CDH18: variants seen among roughly 807,000 people sequenced by gnomAD.
The protein encoded by CDH18 is cadherin 18, also known as cadherin-18.
Under a neutral mutation model 67.9 loss-of-function variants are expected in CDH18, and 31 were observed. The ratio of observed to expected loss-of-function variants is 0.46; its 90% CI spans 0.34 to 0.62. CDH18 has a LOEUF of 0.62. Ranked by LOEUF, CDH18 falls within the 20% of genes least tolerant of loss-of-function variation. CDH18 has a pLI of 0.01. For synonymous variants in CDH18, 362 were observed against 347.2 expected (o/e 1.04, Z -0.48); for missense variants, 890 against 975.5 (o/e 0.91, Z 1.17).
chr5:19,639,042 T>A (rs907438807), intron 5 of CDH18, among the ~76,000 whole-genome samples: 3 of 144,074 alleles, frequency 2.1e-5, no homozygotes, highest in Non-Finnish European at 4.5e-5. Context: ...TCACTCTGTC[T>A]CCCAGGCTGG....
At chr5:20,227,461 C>T (rs1243118661) in intron 2 of CDH18, among the ~76,000 whole-genome samples, 1 of 151,996 alleles carries the variant, frequency 6.6e-6, no homozygotes. Flanking sequence ...TCAATCATCA[C>T]CCAACTCATA....
intron 3 of CDH18, among the ~76,000 whole-genome samples, chr5:19,800,487 A>T (rs1777341669): frequency 1.3e-5 from 2 of 152,172 alleles, no homozygotes; most frequent in African/African-American, 4.8e-5. Context: ...TATAAACCCA[A>T]AGAGGGGTTT....
At chr5:20,193,331 T>C (rs940881430) in intron 2 of CDH18, among the ~76,000 whole-genome samples, 2 of 151,782 alleles carry the variant, frequency 1.3e-5, no homozygotes, top group African/African-American at 4.8e-5. Flanking sequence ...AACTAGAAAA[T>C]CTAGAAGAAA....
chr5:20,135,384 G>A (rs915872216), intron 2 of CDH18, among the ~76,000 whole-genome samples: 3 of 152,128 alleles, frequency 2.0e-5, no homozygotes, highest in African/African-American at 7.2e-5. Context: ...GCATAGAGGT[G>A]ATTATAGTGT....
At chr5:20,230,751 G>C (rs1742003673) in intron 2 of CDH18, among the ~76,000 whole-genome samples, 1 of 151,846 alleles carries the variant, frequency 6.6e-6, no homozygotes, top group Non-Finnish European at 1.5e-5. Flanking sequence ...TGTTATTCTA[G>C]GTCTTCTAGA....
At chr5:20,288,200 G>A (rs2974588) in intron 1 of CDH18, among the ~76,000 whole-genome samples, 17,708 of 151,618 alleles carry the variant, frequency 0.12, 1,573 homozygotes, top group African/African-American at 0.24. Context: ...TTCAGAGGCA[G>A]AATCTCACTG....
chr5:20,311,163 T>G (rs1222652373), intron 1 of CDH18, among the ~76,000 whole-genome samples: 2 of 152,150 alleles, frequency 1.3e-5, no homozygotes, highest in Non-Finnish European at 2.9e-5. Context: ...CTGGAGAGGA[T>G]GTGGAGAAAT....
intron 1 of CDH18, among the ~76,000 whole-genome samples, chr5:20,357,511 C>A (rs1383561477): frequency 6.6e-6 from 1 of 152,002 alleles, no homozygotes; most frequent in African/African-American, 2.4e-5. Flanking sequence ...CATAAACAAA[C>A]ACTTCTCAAA....
intron 11 of CDH18, among the ~76,000 whole-genome samples, chr5:19,488,915 C>A (rs1271387255): frequency 6.6e-6 from 1 of 152,060 alleles, no homozygotes; most frequent in African/African-American, 2.4e-5. Context: ...TCTGCTTGTT[C>A]ATCTCAGTTT....
chr5:20,493,509 G>T (rs1305226242), intron 1 of CDH18, among the ~76,000 whole-genome samples: 1 of 151,916 alleles, frequency 6.6e-6, no homozygotes. Flanking sequence ...AAGGGAGTCA[G>T]CTACCATCAT....
intron 5 of CDH18, among the ~76,000 whole-genome samples, chr5:19,677,074 C>T (rs557900488): frequency 5.9e-5 from 9 of 151,842 alleles, no homozygotes; most frequent in Non-Finnish European, 1.2e-4. Flanking sequence ...TGAATATTTG[C>T]CACTGGTAAC....
intron 8 of CDH18, among the ~76,000 whole-genome samples, chr5:19,554,082 A>C (rs1737949408): frequency 6.6e-6 from 1 of 152,182 alleles, no homozygotes; most frequent in African/African-American, 2.4e-5. Flanking sequence ...AAAAAAAAGA[A>C]GGTATAATTT....
upstream of CDH18, among the ~76,000 whole-genome samples, chr5:19,993,071 A>G (rs1800072071): frequency 6.6e-6 from 1 of 152,180 alleles, no homozygotes; most frequent in Non-Finnish European, 1.5e-5. Flanking sequence ...TCATTCATGA[A>G]GAAATTGTCC....
At chr5:20,559,645 A>G (rs1046590865) in intron 1 of CDH18, among the ~76,000 whole-genome samples, 1 of 152,070 alleles carries the variant, frequency 6.6e-6, no homozygotes, top group Admixed American at 6.6e-5. Flanking sequence ...ACAATAATTG[A>G]GTTTACATTT....
intron 1 of CDH18, among the ~76,000 whole-genome samples, chr5:20,405,923 T>A (rs1021512585): frequency 6.6e-6 from 1 of 152,082 alleles, no homozygotes; most frequent in Non-Finnish European, 1.5e-5. Context: ...CATTAAAAAG[T>A]CAGGAAACAA....
chr5:20,560,932 C>A (rs1758173652), intron 1 of CDH18, among the ~76,000 whole-genome samples: 1 of 151,758 alleles, frequency 6.6e-6, no homozygotes, highest in South Asian at 2.1e-4. Flanking sequence ...AGAAAATTAA[C>A]AAACTAAAAA....
intron 1 of CDH18, among the ~76,000 whole-genome samples, chr5:20,483,692 T>G (rs1752980866): frequency 6.6e-6 from 1 of 150,500 alleles, no homozygotes; most frequent in African/African-American, 2.4e-5. Flanking sequence ...GACACACACA[T>G]CAATAAATGG....
intron 2 of CDH18, among the ~76,000 whole-genome samples, chr5:20,008,798 G>T (rs563773862): frequency 6.6e-6 from 1 of 152,146 alleles, no homozygotes; most frequent in Non-Finnish European, 1.5e-5. Flanking sequence ...ATTATAAGTA[G>T]CCAATATGTC....
intron 2 of CDH18, among the ~76,000 whole-genome samples, chr5:19,900,529 T>C (rs1579498748): frequency 6.6e-6 from 1 of 152,176 alleles, no homozygotes; most frequent in Non-Finnish European, 1.5e-5. Flanking sequence ...TTACACAATG[T>C]GTACATGTAT....
Sources: allele counts gnomAD v4.1 joint callset (sites outside exome capture counted in the v4.1 genomes callset), GRCh38; gene constraint gnomAD v4.1.1; transcripts MANE v1.5; gene names NCBI Gene and HGNC (gene_info 2026-07-23, HGNC 2026-07-21).